Variants in TRPC4AP observed in about 807,000 individuals in gnomAD.
TRPC4AP encodes short transient receptor potential channel 4-associated protein.
In TRPC4AP, 45 loss-of-function variants were observed where a neutral mutation model predicts 99.0. That is an observed-to-expected ratio of 0.45 (90% confidence interval 0.36 to 0.58). The LOEUF is 0.58. TRPC4AP is among the 20% of genes least tolerant of loss of function. The pLI is 0.00. For synonymous variants in TRPC4AP, 408 were observed against 385.8 expected (o/e 1.06, Z -0.67); for missense variants, 879 against 985.3 (o/e 0.89, Z 1.44).
intron 4 of TRPC4AP, 114 bp downstream of exon 4, chr20:35,057,400 A>G: frequency 1.2e-6 from 1 of 807,736 alleles, no homozygotes; most frequent in South Asian, 1.7e-5. Flanking sequence ...GCTAAATGTA[A>G]GACATGTCCT....
intron 2 of TRPC4AP, among the ~76,000 whole-genome samples, chr20:35,071,779 T>C: frequency 6.6e-6 from 1 of 152,224 alleles, no homozygotes; most frequent in Non-Finnish European, 1.5e-5. Context: ...GCATGATTTA[T>C]AATCCTTTGG....
At chr20:35,012,627 G>A (rs2082663348) in intron 11 of TRPC4AP, among the ~76,000 whole-genome samples, 1 of 152,236 alleles carries the variant, frequency 6.6e-6, no homozygotes, top group Non-Finnish European at 1.5e-5. Context: ...TCCTCCAGCT[G>A]CTCAGTAAGC....
intron 9 of TRPC4AP, among the ~76,000 whole-genome samples, chr20:35,016,997 C>G (rs1199931596): frequency 6.6e-6 from 1 of 152,158 alleles, no homozygotes; most frequent in African/African-American, 2.4e-5. Flanking sequence ...TTGGCAGTAG[C>G]TCTAAAATTG....
intron 8 of TRPC4AP, among the ~76,000 whole-genome samples, chr20:35,033,578 G>C (rs1374367537): frequency 6.6e-6 from 1 of 152,190 alleles, no homozygotes. Context: ...TTAAATTCAG[G>C]AAGGGGTAAT....
At chr20:35,022,164 T>C (rs900177407) in intron 8 of TRPC4AP, among the ~76,000 whole-genome samples, 1 of 152,158 alleles carries the variant, frequency 6.6e-6, no homozygotes, top group East Asian at 1.9e-4. Context: ...CTAGATCCTT[T>C]CTTTACTTAT....
At chr20:35,049,261 T>G (rs1831096214) in intron 6 of TRPC4AP, among the ~76,000 whole-genome samples, 1 of 152,168 alleles carries the variant, frequency 6.6e-6, no homozygotes, top group African/African-American at 2.4e-5. Flanking sequence ...TAGCTGTTTT[T>G]TTTTTTTTTT....
At chr20:35,040,868 T>C (rs974816988) in intron 7 of TRPC4AP, among the ~76,000 whole-genome samples, 3 of 152,180 alleles carry the variant, frequency 2.0e-5, no homozygotes, top group African/African-American at 7.2e-5. Context: ...TGCTTCTGTC[T>C]CTCTGGAGAC....
At chr20:35,068,275 T>C (rs1471254006) in intron 3 of TRPC4AP, among the ~76,000 whole-genome samples, 1 of 152,200 alleles carries the variant, frequency 6.6e-6, no homozygotes, top group Non-Finnish European at 1.5e-5. Flanking sequence ...GGTGATGGTA[T>C]GGGTAAACAG....
intron 3 of TRPC4AP, 59 bp from the exon 4 acceptor site, chr20:35,057,630 A>C: frequency 7.0e-7 from 1 of 1,429,136 alleles, no homozygotes; most frequent in East Asian, 2.3e-5. Context: ...TTATAAAATG[A>C]TTTTGCCATA....
At position 35,021,067 on chromosome 20, in the gene TRPC4AP, C is replaced by T. The variant is rs2082875468; in HGVS notation, c.1218+123G>A. The T allele has an allele frequency of 4.7e-6, 5 of 1,059,662 alleles. No homozygotes were observed. The East Asian group carries it at 1.0e-4, about 22-fold the overall frequency. The allele number at this position is 1,059,662 out of a possible 1,614,324, so 65.6% of individuals were successfully genotyped here. On this transcript the variant is annotated intron_variant, in intron 9 of 18. Transcript: ENST00000252015. Reference sequence around the variant, plus strand: ...AGGTAGAACAGAAGGAGAAATACCCCTATGCTTTGCCAGGCTAAAGCGAGA... The same window carrying T: ...AGGTAGAACAGAAGGAGAAATACCCTTATGCTTTGCCAGGCTAAAGCGAGA...
intron 8 of TRPC4AP, among the ~76,000 whole-genome samples, chr20:35,026,707 T>C (rs2147311913): frequency 6.6e-6 from 1 of 152,306 alleles, no homozygotes; most frequent in Non-Finnish European, 1.5e-5. Context: ...TTCAAAGACA[T>C]GGGATGTCTT....
At chr20:35,004,780 C>T (rs112079634) in intron 16 of TRPC4AP, among the ~76,000 whole-genome samples, 1 of 152,238 alleles carries the variant, frequency 6.6e-6, no homozygotes, top group African/African-American at 2.4e-5. Flanking sequence ...CCCAGGAGCA[C>T]CCCACCTCAT....
intron 3 of TRPC4AP, among the ~76,000 whole-genome samples, chr20:35,063,811 G>C (rs564729455): frequency 2.0e-5 from 3 of 152,152 alleles, no homozygotes; most frequent in African/African-American, 4.8e-5. Context: ...CAGTGAGCTA[G>C]GATCGTACCA....
At position 35,013,020 on chromosome 20, in the gene TRPC4AP, C is replaced by A. The variant is rs2082674185; in HGVS notation, c.1397G>T (p.Ser466Ile). ...IQFLRLLQSF[S>I]DHHENKYLLL... is the part of the protein sequence containing the mutation. ...CTCTTGTACTTACTCGTGGTGGTCA[C>A]TGAAGCTCTGAAGAAGCCTCAAAAA... Residue 466 changes from serine to isoleucine, a missense_variant, in exon 11 of 19, where the codon AGT becomes ATT. Transcript: ENST00000252015. The A allele has an allele frequency of 6.2e-7, 1 of 1,613,982 alleles. No individual in the cohort carries two copies. Among genetic ancestry groups the A allele is most frequent in the African/African-American group, 1.3e-5 (1 of 74,908 alleles).
In TRPC4AP at chr20:35,088,015, A is replaced by C. The variant is rs184195072; in HGVS notation, c.168+4599T>G. On this transcript the variant is annotated intron_variant, in intron 1 of 18. Coordinates refer to ENST00000252015, the MANE Select transcript of TRPC4AP (RefSeq NM_015638.3). ...ATCAAAGTGGAAATGCTAGAAGGCA[A>C]TTGGATATACCTACCCATCCAGAGC... Among the ~76,000 whole-genome samples, 9 of 152,358 alleles carry C rather than the reference A, an allele frequency of 5.9e-5. No homozygotes were observed. The East Asian group carries it at 1.4e-3, about 23-fold the overall frequency.
chr20:35,002,445 G>T lies in TRPC4AP; in HGVS notation c.*701C>A, dbSNP rs951680868. The T allele has an allele frequency of 7.6e-6, 3 of 392,160 alleles. No homozygotes were observed. Among genetic ancestry groups the T allele is most frequent in the Non-Finnish European group, 1.3e-5 (3 of 223,174 alleles). The allele number at this position is 392,160 out of a possible 1,614,324, so 24.3% of individuals were successfully genotyped here. ...GTTATTTAATAGTCTCCATTTAATTGGTTTATTTGCTGTTAATAAATTGGC... is the reference window on the plus strand; with the variant it reads ...GTTATTTAATAGTCTCCATTTAATTTGTTTATTTGCTGTTAATAAATTGGC... On this transcript the variant is annotated 3_prime_UTR_variant, in exon 19 of 19. Coordinates refer to ENST00000252015, the MANE Select transcript of TRPC4AP (RefSeq NM_015638.3).
intron 2 of TRPC4AP, among the ~76,000 whole-genome samples, chr20:35,076,899 C>T (rs1460919796): frequency 2.6e-5 from 4 of 152,178 alleles, no homozygotes; most frequent in African/African-American, 9.7e-5. Context: ...CCTTGAGCTG[C>T]GGTGGGCTCC....
intron 1 of TRPC4AP, among the ~76,000 whole-genome samples, chr20:35,090,588 G>C (rs2085030408): frequency 6.6e-6 from 1 of 151,992 alleles, no homozygotes; most frequent in African/African-American, 2.4e-5. Context: ...TGGCCAGGCT[G>C]GTCTCAAACT....
chr20:35,032,456 AG>A (rs2083220119), intron 8 of TRPC4AP, among the ~76,000 whole-genome samples: 1 of 139,472 alleles, frequency 7.2e-6, no homozygotes, highest in South Asian at 2.4e-4. Flanking sequence ...GCATAGTTTT[AG>A]TTCTTTGATC....
Sources: allele counts gnomAD v4.1 joint callset (sites outside exome capture counted in the v4.1 genomes callset), GRCh38; gene constraint gnomAD v4.1.1; transcripts MANE v1.5; gene names NCBI Gene and HGNC (gene_info 2026-07-23, HGNC 2026-07-21).